The following EYS variants were observed in gnomAD, a reference collection of about 807,000 sequenced individuals.
EYS encodes the protein EGF-like photoreceptor maintenance factor.
In EYS, 250 loss-of-function variants were observed where a neutral mutation model predicts 282.1. That is an observed-to-expected ratio of 0.89 (90% CI 0.80 to 0.98). The LOEUF (loss-of-function observed/expected upper bound fraction) is 0.98. EYS is among the 50% of genes least tolerant of loss of function. The pLI is 0.00. For missense variants in EYS, 4,016 were observed against 3,709.0 expected, an observed-to-expected ratio of 1.08 and a Z score of -2.15; for synonymous variants, 1,355 against 1,282.9, an observed-to-expected ratio of 1.06 and a Z score of -1.20.
In EYS at chr6:63,908,036, TTGTGTGTGTGTG is replaced by T. The variant is rs59753065; in HGVS notation, c.7056-43690_7056-43679del. On this transcript the variant is annotated intron_variant, in intron 35 of 42. Transcript: ENST00000503581. ...CGTATATATATATATATATATACGT[TTGTGTGTGTGTG>T]TGTGTGTGTGTGTGTGTAAATATAT... Among the ~76,000 whole-genome samples the T allele has an allele frequency of 7.0e-3, 557 of 79,314 alleles. 5 individuals carry two copies. Among genetic ancestry groups the T allele is most frequent in the Non-Finnish European group, 0.012 (452 of 36,856 alleles). The allele number at this position is 79,314 out of a possible 152,430, so 52.0% of individuals were successfully genotyped here.
At chr6:65,508,723 A>G (rs1233777122) in intron 2 of EYS, among the ~76,000 whole-genome samples, 1 of 151,800 alleles carries the variant, frequency 6.6e-6, no homozygotes, top group Non-Finnish European at 1.5e-5. Context: ...ATTTTCATTG[A>G]GATAGAAAGT....
At chr6:64,362,693 T>C (rs150648891) in intron 29 of EYS, among the ~76,000 whole-genome samples, 269 of 151,924 alleles carry the variant, frequency 1.8e-3, no homozygotes, top group African/African-American at 6.3e-3. Context: ...GGTTTTTCTT[T>C]TCTTTATTTT....
At chr6:64,425,513 G>T (rs1774374297) in intron 28 of EYS, among the ~76,000 whole-genome samples, 1 of 152,044 alleles carries the variant, frequency 6.6e-6, no homozygotes, top group African/African-American at 2.4e-5. Context: ...AATTAGCCGG[G>T]TGTGGTGGTG....
chr6:65,244,369 A>G (rs1302529842), intron 12 of EYS, among the ~76,000 whole-genome samples: 1 of 152,184 alleles, frequency 6.6e-6, no homozygotes, highest in Non-Finnish European at 1.5e-5. Flanking sequence ...TTAGCACATA[A>G]GTTATTCTTT....
chr6:63,861,350 C>A (rs970894127), intron 36 of EYS, among the ~76,000 whole-genome samples: 1 of 152,166 alleles, frequency 6.6e-6, no homozygotes, highest in Non-Finnish European at 1.5e-5. Context: ...TTATCTACAT[C>A]CCCACTGCCA....
At chr6:65,177,616 C>A (rs1765258581) in intron 12 of EYS, among the ~76,000 whole-genome samples, 1 of 151,218 alleles carries the variant, frequency 6.6e-6, no homozygotes, top group Non-Finnish European at 1.5e-5. Context: ...GTACATATAC[C>A]CTCACATATA....
chr6:65,315,856 C>T (rs1366085140), intron 11 of EYS, among the ~76,000 whole-genome samples: 1 of 144,614 alleles, frequency 6.9e-6, no homozygotes, highest in African/African-American at 2.6e-5. Context: ...AATCATTGTC[C>T]CAATTTAACT....
chr6:65,078,646 A>G (rs1337915208), intron 12 of EYS, among the ~76,000 whole-genome samples: 1 of 152,110 alleles, frequency 6.6e-6, no homozygotes, highest in Non-Finnish European at 1.5e-5. Flanking sequence ...GGTAATTGGT[A>G]TAGATAATAA....
intron 5 of EYS, among the ~76,000 whole-genome samples, chr6:65,448,264 A>C (rs1024872573): frequency 2.6e-5 from 4 of 152,050 alleles, no homozygotes; most frequent in Admixed American, 6.6e-5. Context: ...TTAAGGGCCA[A>C]CGTGAAGTAC....
At position 64,777,738 on chromosome 6, in the gene EYS, A is replaced by T. The variant is rs139368060; in HGVS notation, c.3443+35640T>A. Among the ~76,000 whole-genome samples, 277 of 152,258 alleles carry T rather than the reference A, an allele frequency of 1.8e-3. 1 individual carries two copies. The highest frequency in any genetic ancestry group is 6.5e-3 in the African/African-American group (272 of 41,570). ...GTATTCTGGAGAAATAAAAACTTCC[A>T]TGAATTTATTTTATACTTTTTCCAG... On this transcript the variant is annotated intron_variant, in intron 22 of 42. Transcript: ENST00000503581.
intron 13 of EYS, among the ~76,000 whole-genome samples, chr6:65,043,479 T>C (rs1441757162): frequency 6.6e-6 from 1 of 151,408 alleles, no homozygotes; most frequent in African/African-American, 2.4e-5. Context: ...TGCTATGTAA[T>C]AGATTTCAAA....
At chr6:64,605,678 A>G (rs1766907040) in intron 24 of EYS, among the ~76,000 whole-genome samples, 1 of 151,902 alleles carries the variant, frequency 6.6e-6, no homozygotes, top group Non-Finnish European at 1.5e-5. Flanking sequence ...TATCTGATAC[A>G]GAACCCTGAG....
intron 11 of EYS, among the ~76,000 whole-genome samples, chr6:65,329,059 A>G (rs1340007834): frequency 2.0e-5 from 3 of 151,382 alleles, no homozygotes; most frequent in African/African-American, 7.2e-5. Context: ...AAATTTAAAT[A>G]AAAATCTGGC....
intron 31 of EYS, among the ~76,000 whole-genome samples, chr6:64,106,068 G>T (rs554372668): frequency 6.6e-6 from 1 of 152,114 alleles, no homozygotes; most frequent in South Asian, 2.1e-4. Context: ...TATATAATTG[G>T]ATTAATAGCT....
chr6:65,199,433 T>C (rs1376122479), intron 12 of EYS, among the ~76,000 whole-genome samples: 1 of 152,162 alleles, frequency 6.6e-6, no homozygotes, highest in African/African-American at 2.4e-5. Context: ...AGGCTTCTAA[T>C]ATTTCATTCA....
At chr6:65,203,305 C>T (rs1765948792) in intron 12 of EYS, among the ~76,000 whole-genome samples, 1 of 152,140 alleles carries the variant, frequency 6.6e-6, no homozygotes, top group African/African-American at 2.4e-5. Flanking sequence ...ATAATTCTTG[C>T]TTACAGCAGT....
chr6:64,608,332 G>C (rs577206733), intron 24 of EYS, among the ~76,000 whole-genome samples: 1 of 151,940 alleles, frequency 6.6e-6, no homozygotes, highest in Admixed American at 6.6e-5. Context: ...AGAGGGAGAA[G>C]GGAATAGAGA....
At chr6:65,365,845 T>C (rs1258999586) in intron 8 of EYS, among the ~76,000 whole-genome samples, 1 of 151,782 alleles carries the variant, frequency 6.6e-6, no homozygotes, top group Non-Finnish European at 1.5e-5. Context: ...GAATGTTGGC[T>C]GTCTAGTAAA....
In EYS at chr6:65,089,040, G is replaced by T. The variant is rs537951519; in HGVS notation, c.2024-31313C>A. On this transcript the variant is annotated intron_variant, in intron 12 of 42. Coordinates refer to ENST00000503581, the MANE Select transcript of EYS (RefSeq NM_001142800.2). The stretch of plus-strand genomic sequence containing the variant: ...GGGAACCTCTACCTAGATATCAGGG[G>T]ATGAATGGAAATGCCTAGATGTCCA... 2.6e-5 allele frequency among the ~76,000 whole-genome samples: 4 copies of T among 152,288 alleles called. No individual in the cohort carries two copies. In the East Asian group the frequency reaches 7.7e-4, roughly 29 times the overall value.
Sources: gnomAD v4.1 joint callset for allele counts (sites outside exome capture counted in the v4.1 genomes callset) on GRCh38, gnomAD v4.1.1 for gene constraint, MANE v1.5 for transcripts, NCBI Gene and HGNC (gene_info 2026-07-23, HGNC 2026-07-21) for gene names.